Variants in HDAC4 observed in about 807,000 individuals in gnomAD.
HDAC4 encodes the protein histone deacetylase 4, also known as histone deacetylase A.
HDAC4 carries 16 observed loss-of-function variants against 135.1 expected under a neutral mutation model. The ratio of observed to expected loss-of-function variants is 0.12; its 90% CI spans 0.08 to 0.18. HDAC4 has a LOEUF of 0.18. HDAC4 is among the 10% of genes least tolerant of loss of function. The pLI, the probability that HDAC4 is intolerant of heterozygous loss-of-function variation, is 1.00. For synonymous variants in HDAC4, 685 were observed against 653.4 expected (o/e 1.05, Z -0.74); for missense variants, 1,143 against 1,511.8 (o/e 0.76, Z 4.05).
intron 11 of HDAC4, among the ~76,000 whole-genome samples, chr2:239,132,867 A>G (rs1257088009): frequency 6.6e-6 from 1 of 152,160 alleles, no homozygotes; most frequent in African/African-American, 2.4e-5. Flanking sequence ...ACAGGCGAGA[A>G]ACTCAGGTGT....
intron 1 of HDAC4, among the ~76,000 whole-genome samples, chr2:239,385,581 G>A (rs902784971): frequency 6.6e-6 from 1 of 152,232 alleles, no homozygotes; most frequent in African/African-American, 2.4e-5. Flanking sequence ...AGCCCTTGCA[G>A]CTTCACGTGC....
intron 11 of HDAC4, among the ~76,000 whole-genome samples, chr2:239,128,638 C>T (rs3791455): frequency 0.13 from 19,891 of 152,248 alleles, 1,670 homozygotes; most frequent in Non-Finnish European, 0.18. Flanking sequence ...TCACACAAAG[C>T]TGCTTTCAGG....
At chr2:239,219,772 A>C (rs1354321913) in intron 3 of HDAC4, among the ~76,000 whole-genome samples, 1 of 152,264 alleles carries the variant, frequency 6.6e-6, no homozygotes, top group African/African-American at 2.4e-5. Flanking sequence ...TCCAACACTA[A>C]ATATCAAACA....
intron 3 of HDAC4, among the ~76,000 whole-genome samples, chr2:239,231,218 C>T (rs1465078920): frequency 6.6e-6 from 1 of 152,212 alleles, no homozygotes; most frequent in East Asian, 1.9e-4. Flanking sequence ...GGTGATGAAA[C>T]CGCCACCCCT....
intron 5 of HDAC4, among the ~76,000 whole-genome samples, chr2:239,166,391 C>T (rs1177547227): frequency 3.9e-5 from 6 of 152,248 alleles, no homozygotes; most frequent in Middle Eastern, 3.4e-3. Context: ...TGTCATTGCC[C>T]GAGTCAAGCT....
In HDAC4 at chr2:239,202,948, C is replaced by G. The variant is rs7556743; in HGVS notation, c.95-12871G>C. ...GAAGGGCCTGTCCACGCCGCCTGAG[C>G]AGCAGCAGACTGATCGCCGCACCTG... On this transcript the variant is annotated intron_variant, in intron 3 of 26. Transcript: ENST00000543185. Among the ~76,000 whole-genome samples, 396 of 152,280 alleles carry G rather than the reference C, an allele frequency of 2.6e-3. 3 individuals carry two copies. Among genetic ancestry groups the G allele is most frequent in the African/African-American group, 9.2e-3 (384 of 41,556 alleles).
intron 2 of HDAC4, among the ~76,000 whole-genome samples, chr2:239,247,546 T>A (rs1559280901): frequency 6.6e-6 from 1 of 152,352 alleles, no homozygotes; most frequent in East Asian, 1.9e-4. Flanking sequence ...CCAGGGCATC[T>A]GAGCCGAACA....
At chr2:239,079,804 G>C (rs1317856032) in intron 22 of HDAC4, among the ~76,000 whole-genome samples, 1 of 151,736 alleles carries the variant, frequency 6.6e-6, no homozygotes, top group Non-Finnish European at 1.5e-5. Flanking sequence ...ACAAGCACAC[G>C]TGTGTACTCA....
chr2:239,209,561 T>G lies in HDAC4; in HGVS notation c.95-19484A>C, dbSNP rs1485122053. Among the ~76,000 whole-genome samples, 4 of 152,150 alleles carry G rather than the reference T, an allele frequency of 2.6e-5. No homozygotes were observed. The East Asian group carries it at 5.8e-4, about 22-fold the overall frequency. On this transcript the variant is annotated intron_variant, in intron 3 of 26. Coordinates refer to ENST00000543185, the MANE Select transcript of HDAC4 (RefSeq NM_001378414.1). ...TAAGACTCAAATGTGAAAGACAAAA[T>G]GTTGAAATTTTTAGCAGACACTATT... is the stretch of plus-strand genomic sequence containing the variant.
At chr2:239,128,452 C>CTGGGAGGCAAGGTTGCAG (rs2040346414) in intron 11 of HDAC4, among the ~76,000 whole-genome samples, 1 of 151,764 alleles carries the variant, frequency 6.6e-6, no homozygotes, top group Non-Finnish European at 1.5e-5. Flanking sequence ...TTGCTTGAAC[C>CTGGGAGGCAAGGTTGCAG]TGGGAGGCAA....
In HDAC4 at chr2:239,087,789, C is replaced by T. The variant is rs546134717; in HGVS notation, c.2389-175G>A. Reference sequence around the variant, plus strand: ...ATGCAGGGCCAGCTGGGAGCCTTTCCGGGAAGCCTGGGCCCTTCTCCTAAA... The same window carrying T: ...ATGCAGGGCCAGCTGGGAGCCTTTCTGGGAAGCCTGGGCCCTTCTCCTAAA... On this transcript the variant is annotated intron_variant, in intron 18 of 26. Transcript: ENST00000543185. Among the ~76,000 whole-genome samples, 6 of 152,300 alleles carry T rather than the reference C, an allele frequency of 3.9e-5. No homozygotes were observed. In the East Asian group the frequency reaches 9.6e-4, roughly 24 times the overall value.
chr2:239,311,348 C>T (rs1280308728), intron 2 of HDAC4, among the ~76,000 whole-genome samples: 2 of 152,200 alleles, frequency 1.3e-5, no homozygotes, highest in Non-Finnish European at 2.9e-5. Flanking sequence ...AGACACCCGA[C>T]GCTCACCGTT....
At chr2:239,161,637 G>A (rs2042798862) in intron 6 of HDAC4, among the ~76,000 whole-genome samples, 3 of 152,146 alleles carry the variant, frequency 2.0e-5, no homozygotes, top group African/African-American at 7.2e-5. Context: ...TTGAGATCAA[G>A]TCCTTCCCCC....
chr2:239,180,013 G>C (rs1368109700), intron 4 of HDAC4, among the ~76,000 whole-genome samples: 1 of 152,250 alleles, frequency 6.6e-6, no homozygotes, highest in Non-Finnish European at 1.5e-5. Context: ...CCTTCTCTGT[G>C]GGCGCCAACC....
chr2:239,181,247 G>C (rs1308298422), intron 4 of HDAC4, among the ~76,000 whole-genome samples: 2 of 152,230 alleles, frequency 1.3e-5, no homozygotes, highest in African/African-American at 4.8e-5. Flanking sequence ...GAGCTGCAGA[G>C]GTGGCAGGAG....
chr2:239,253,806 C>T (rs2048912288), intron 2 of HDAC4, among the ~76,000 whole-genome samples: 1 of 152,116 alleles, frequency 6.6e-6, no homozygotes, highest in Non-Finnish European at 1.5e-5. Flanking sequence ...GTTCCTGGGG[C>T]CCAAGAGTCA....
intron 4 of HDAC4, among the ~76,000 whole-genome samples, chr2:239,183,190 C>T (rs891889268): frequency 5.3e-5 from 8 of 152,234 alleles, no homozygotes; most frequent in African/African-American, 1.2e-4. Context: ...TTTAAGTTTA[C>T]GTTAAGCGTA....
At chr2:239,191,041 G>A (rs567578169) in intron 3 of HDAC4, 6 of 459,426 alleles carry the variant, frequency 1.3e-5, no homozygotes, top group Admixed American at 4.7e-5. Flanking sequence ...TCAGACACGC[G>A]ACTCTGCCGA....
chr2:239,251,455 T>C (rs2124960545), intron 2 of HDAC4, among the ~76,000 whole-genome samples: 1 of 152,132 alleles, frequency 6.6e-6, no homozygotes, highest in African/African-American at 2.4e-5. Context: ...ATCAGCTGGG[T>C]GTGGTGGCGT....
Sources: allele counts gnomAD v4.1 joint callset (sites outside exome capture counted in the v4.1 genomes callset), GRCh38; gene constraint gnomAD v4.1.1; transcripts MANE v1.5; gene names NCBI Gene and HGNC (gene_info 2026-07-23, HGNC 2026-07-21).